The following C6 variants were observed in gnomAD, a reference collection of about 807,000 sequenced individuals.
The protein encoded by C6 is complement C6.
Under a neutral mutation model 112.9 loss-of-function variants are expected in C6, and 101 were observed. That is an observed-to-expected ratio of 0.89 (90% confidence interval 0.76 to 1.06). The LOEUF is 1.06. Among genes scored for constraint, C6 ranks in the 50% least tolerant of loss-of-function variants. C6 has a pLI of 0.00. For synonymous variants in C6, 431 were observed against 384.1 expected (o/e 1.12, Z -1.43); for missense variants, 1,202 against 1,104.6 (o/e 1.09, Z -1.25).
chr5:41,146,921 C>CA lies in C6; in HGVS notation c.2623+2319dup, dbSNP rs373241654. Reference sequence around the variant, plus strand: ...AAGATAGCAAAAAAAGGGAAGATAGCAAAAAAAAAAATTATTTCCAATAGA... The same window carrying CA: ...AAGATAGCAAAAAAAGGGAAGATAGCAAAAAAAAAAAATTATTTCCAATAGA... On this transcript the variant is annotated intron_variant, in intron 17 of 17. Transcript: ENST00000337836. Among the ~76,000 whole-genome samples, 699 of 144,796 alleles carry CA rather than the reference C, an allele frequency of 4.8e-3. 9 individuals are homozygous for CA. The highest frequency in any genetic ancestry group is 0.036 in the East Asian group (179 of 4,988). The allele number at this position is 144,796 out of a possible 152,430, so 95.0% of individuals were successfully genotyped here. A position where few individuals can be genotyped will look rare whatever the true frequency, so the allele number is the denominator to read the frequency against.
intron 11 of C6, chr5:41,159,558 T>G: frequency 1.2e-5 from 6 of 511,006 alleles, no homozygotes; most frequent in Non-Finnish European, 1.5e-5. Context: ...AAATGTGCAC[T>G]CATATGTGTA....
chr5:41,154,038 G>A (rs1294828227), intron 14 of C6, 40 bp from the exon 15 acceptor site: 8 of 1,583,458 alleles, frequency 5.1e-6, no homozygotes, highest in Non-Finnish European at 6.1e-6. Context: ...TAGTGGAGCA[G>A]AATAAACAAA....
Position 41,159,037 on chromosome 5 carries a change from G to C in C6, c.1856+45C>G, listed in dbSNP as rs761779768. On this transcript the variant is annotated intron_variant, in intron 12 of 17. Transcript: ENST00000337836. ...CCATTTGAACTCTCAATGTTATTGA[G>C]AGTTAGGGCAAAATGACCCATTCTT... The C allele has an allele frequency of 2.5e-6, 4 of 1,598,946 alleles. No individual in the cohort carries two copies. The African/African-American group carries it at 5.4e-5, about 21-fold the overall frequency.
chr5:41,182,208 A>G (rs573218608), intron 6 of C6, among the ~76,000 whole-genome samples: 1 of 151,874 alleles, frequency 6.6e-6, no homozygotes, highest in South Asian at 2.1e-4. Context: ...AAATGTAAAT[A>G]TAAATGGTAT....
At chr5:41,200,465 T>G (rs1750927468) in intron 3 of C6, among the ~76,000 whole-genome samples, 1 of 152,150 alleles carries the variant, frequency 6.6e-6, no homozygotes, top group African/African-American at 2.4e-5. Flanking sequence ...AAAATTCAAT[T>G]TATTAATTAA....
intron 1 of C6, among the ~76,000 whole-genome samples, chr5:41,235,189 T>A (rs1214348663): frequency 7.0e-6 from 1 of 143,758 alleles, no homozygotes; most frequent in African/African-American, 2.6e-5. Context: ...ACGTGTCATC[T>A]AGCATTAGGT....
At chr5:41,259,648 T>C (rs1741922191) in intron 1 of C6, among the ~76,000 whole-genome samples, 1 of 152,210 alleles carries the variant, frequency 6.6e-6, no homozygotes, top group Non-Finnish European at 1.5e-5. Flanking sequence ...TATTGAGAAT[T>C]TAAATTACCA....
At chr5:41,208,442 T>G (rs1262989443) in intron 1 of C6, among the ~76,000 whole-genome samples, 1 of 152,064 alleles carries the variant, frequency 6.6e-6, no homozygotes, top group Non-Finnish European at 1.5e-5. Flanking sequence ...GCTGGTTTTT[T>G]GAAAAGATTG....
At position 41,185,997 on chromosome 5, in the gene C6, C is replaced by A; in HGVS notation, c.726+73G>T. 7 of 1,573,244 alleles carry A rather than the reference C, an allele frequency of 4.4e-6. No individual in the cohort carries two copies. The South Asian group carries it at 7.8e-5, about 17-fold the overall frequency. ...TTTTATTCTGTCCCTTCATTCATCA[C>A]TAATTTTGCATGAGAAATTTAGCTT... On this transcript the variant is annotated intron_variant, in intron 6 of 17. Transcript: ENST00000337836.
At chr5:41,144,764 G>A (rs992643593) in intron 17 of C6, among the ~76,000 whole-genome samples, 13 of 152,026 alleles carry the variant, frequency 8.6e-5, no homozygotes, top group Non-Finnish European at 1.6e-4. Context: ...AGTCGGCCCT[G>A]GTGTCTGTTA....
intron 5 of C6, among the ~76,000 whole-genome samples, chr5:41,191,991 G>C (rs746094587): frequency 2.6e-5 from 4 of 152,164 alleles, no homozygotes; most frequent in Middle Eastern, 3.4e-3. Flanking sequence ...TCCAGTCCTT[G>C]GAGGAAAAGT....
At chr5:41,177,563 T>A (rs909636043) in intron 7 of C6, among the ~76,000 whole-genome samples, 2 of 152,168 alleles carry the variant, frequency 1.3e-5, no homozygotes, top group Non-Finnish European at 2.9e-5. Context: ...AGTAACAGAG[T>A]AAGGACCATG....
intron 1 of C6, among the ~76,000 whole-genome samples, chr5:41,253,426 T>C (rs1741487114): frequency 6.6e-6 from 1 of 152,082 alleles, no homozygotes; most frequent in Non-Finnish European, 1.5e-5. Context: ...CCCTGCCCTG[T>C]GAACTCTAGT....
At chr5:41,236,727 A>C (rs1013892119) in intron 1 of C6, among the ~76,000 whole-genome samples, 5 of 141,066 alleles carry the variant, frequency 3.5e-5, no homozygotes, top group African/African-American at 1.4e-4. Flanking sequence ...AACTAAAATC[A>C]GAGCAGAACT....
intron 9 of C6, among the ~76,000 whole-genome samples, chr5:41,166,766 T>A (rs1415919436): frequency 6.6e-6 from 1 of 152,114 alleles, no homozygotes; most frequent in Non-Finnish European, 1.5e-5. Flanking sequence ...GAGATGGTAA[T>A]CAGGTAAGAC....
rs200733888 is a variant in C6 at position 41,199,722 on chromosome 5, C to T, written c.445+46G>A. 6 of 1,588,678 alleles carry T rather than the reference C, an allele frequency of 3.8e-6. No individual in the cohort carries two copies. In the African/African-American group the frequency reaches 6.7e-5, roughly 18 times the overall value. ...TCAATTGGAGTAACTTTGATTTAGT[C>T]AAGCTATTTTTAGTGGGGACTGAAC... On this transcript the variant is annotated intron_variant, in intron 4 of 17. Transcript: ENST00000337836.
At chr5:41,251,616 G>A (rs188547886) in intron 1 of C6, among the ~76,000 whole-genome samples, 1 of 152,308 alleles carries the variant, frequency 6.6e-6, no homozygotes, top group Non-Finnish European at 1.5e-5. Flanking sequence ...TCAGCTTTAT[G>A]CTTACACTAA....
intron 1 of C6, chr5:41,203,549 A>G (rs1019194132): frequency 2.2e-5 from 8 of 364,806 alleles, no homozygotes; most frequent in Non-Finnish European, 4.2e-5. Context: ...TTTCATTCCA[A>G]AAAGTATTTT....
At chr5:41,190,469 A>G (rs1336992465) in intron 5 of C6, among the ~76,000 whole-genome samples, 1 of 152,060 alleles carries the variant, frequency 6.6e-6, no homozygotes, top group African/African-American at 2.4e-5. Context: ...TTTATTTTTG[A>G]GGTGAGTTGA....
Sources: gnomAD v4.1 joint callset for allele counts (sites outside exome capture counted in the v4.1 genomes callset) on GRCh38, gnomAD v4.1.1 for gene constraint, MANE v1.5 for transcripts, NCBI Gene and HGNC (gene_info 2026-07-23, HGNC 2026-07-21) for gene names.